Variants in APTX observed in about 807,000 individuals in gnomAD.
APTX encodes the protein forkhead-associated domain histidine triad-like protein.
A neutral mutation model predicts 42.3 loss-of-function variants in APTX; 33 were observed. The observed-to-expected ratio is 0.78, with a 90% CI of 0.59 to 1.04. The LOEUF is 1.04. Ranked by LOEUF, APTX falls within the 50% of genes least tolerant of loss-of-function variation. The pLI is 0.00. For synonymous variants in APTX, 130 were observed against 146.7 expected, an observed-to-expected ratio of 0.89 and a Z score of 0.82; for missense variants, 421 against 415.1, an observed-to-expected ratio of 1.01 and a Z score of -0.12.
In APTX at chr9:32,974,446, AAC is replaced by A; in HGVS notation, c.874+10_874+11del. 1 of 1,460,774 alleles carries A rather than the reference AAC, an allele frequency of 6.8e-7. No homozygotes were observed. The highest frequency in any genetic ancestry group is 1.1e-5 in the South Asian group (1 of 87,986). 90.5% of individuals were successfully genotyped at this position (1,460,774 alleles called of 1,614,324 possible). ...AATGAAACAAATGTGAAAACCAAGG[AAC>A]ACTGTTTACCTTGTGATTCTAGGAA... On this transcript the variant is annotated intron_variant, in intron 7 of 7. Transcript: ENST00000379817.
chr9:33,003,773 C>A (rs1397964056), upstream of APTX, among the ~76,000 whole-genome samples: 1 of 152,146 alleles, frequency 6.6e-6, no homozygotes, highest in Non-Finnish European at 1.5e-5. Flanking sequence ...TGCCCATTTG[C>A]GACTGGCTTA....
chr9:33,018,108 TTTTTA>T (rs1040360415), intron 1 of APTX, among the ~76,000 whole-genome samples: 3 of 151,436 alleles, frequency 2.0e-5, no homozygotes, highest in Non-Finnish European at 4.4e-5. Flanking sequence ...AAAATTTTAT[TTTTTA>T]TTTAATTTTT....
upstream of APTX, chr9:33,001,652 T>C: frequency 6.2e-7 from 1 of 1,610,806 alleles, no homozygotes; most frequent in Non-Finnish European, 8.5e-7. Context: ...AGAGGCCGGC[T>C]GTATCGCGAC....
chr9:33,017,985 C>T (rs1838036358), intron 1 of APTX, among the ~76,000 whole-genome samples: 1 of 131,022 alleles, frequency 7.6e-6, no homozygotes, highest in Non-Finnish European at 1.6e-5. Flanking sequence ...AATATAATCT[C>T]AGATGTGATT....
Position 32,973,334 on chromosome 9 carries a change from T to G in APTX, c.*164A>C, listed in dbSNP as rs1182639002. The G allele has an allele frequency of 7.1e-6, 6 of 844,274 alleles. No homozygotes were observed. Among genetic ancestry groups the G allele is most frequent in the Non-Finnish European group, 1.2e-5 (6 of 515,338 alleles). The allele number at this position is 844,274 out of a possible 1,614,324, so 52.3% of individuals were successfully genotyped here. The stretch of plus-strand genomic sequence containing the variant: ...ACCCAAATTCCTAATCCTGAAGTAC[T>G]TTGAGCCACTCTACATTGTGGCCAC... On this transcript the variant is annotated 3_prime_UTR_variant, in exon 8 of 8. Transcript: ENST00000379817.
At chr9:33,001,456 A>C in intron 1 of APTX, 111 bp downstream of exon 1, 9 of 1,582,150 alleles carry the variant, frequency 5.7e-6, no homozygotes, top group Non-Finnish European at 7.7e-6. Context: ...CAGCGCATGA[A>C]AGCAGCGTCA....
In APTX at chr9:32,992,943, C is replaced by T. The variant is rs150606087; in HGVS notation, c.-4-3048G>A. 3.8e-3 allele frequency among the ~76,000 whole-genome samples: 572 copies of T among 152,274 alleles called. 6 individuals are homozygous for T. The highest frequency in any genetic ancestry group is 6.5e-3 in the Non-Finnish European group (443 of 68,024). On this transcript the variant is annotated intron_variant, in intron 1 of 7. Transcript: ENST00000379817. ...GCAGGTCCCACTTTTAAATGCTATG[C>T]GTTCCAAGGGGCATCTGTTTGCACT...
chr9:33,024,185 T>C (rs1034486632), intron 1 of APTX, among the ~76,000 whole-genome samples: 2 of 152,266 alleles, frequency 1.3e-5, no homozygotes, highest in South Asian at 4.1e-4. Flanking sequence ...AGTTCTGTTT[T>C]TGTTTTAAAT....
At chr9:32,974,387 A>C in intron 7 of APTX, 71 bp downstream of exon 7, 2 of 1,038,404 alleles carry the variant, frequency 1.9e-6, no homozygotes, top group Non-Finnish European at 3.0e-6. Context: ...TTATTCAGGG[A>C]AACAACCAAA....
chr9:33,011,159 A>G (rs1165507452), intron 1 of APTX, among the ~76,000 whole-genome samples: 2 of 152,062 alleles, frequency 1.3e-5, no homozygotes, highest in East Asian at 1.9e-4. Flanking sequence ...AAGAAAAAAA[A>G]AAGTGGTGAG....
chr9:33,001,736 C>G (rs2119154852), upstream of APTX: 2 of 1,252,668 alleles, frequency 1.6e-6, no homozygotes, highest in Middle Eastern at 1.8e-4. Flanking sequence ...AAAAAGCGTC[C>G]GCCCCAATTG....
intron 1 of APTX, among the ~76,000 whole-genome samples, chr9:33,015,655 C>A (rs1351934303): frequency 1.3e-5 from 2 of 152,198 alleles, no homozygotes; most frequent in East Asian, 1.9e-4. Flanking sequence ...CCACGCCCGG[C>A]CTGTATTTTC....
chr9:33,016,046 T>C (rs963376121), intron 1 of APTX: 1 of 152,234 alleles, frequency 6.6e-6, no homozygotes, highest in African/African-American at 2.4e-5. Context: ...TTTTTTTAAA[T>C]AAACGTTGCC....
At chr9:32,988,761 C>A (rs1832836774) in intron 2 of APTX, among the ~76,000 whole-genome samples, 1 of 150,254 alleles carries the variant, frequency 6.7e-6, no homozygotes, top group Non-Finnish European at 1.5e-5. Flanking sequence ...ATCAGGCTTC[C>A]ACTATTATTT....
chr9:32,978,746 A>G (rs1031904143), intron 6 of APTX, among the ~76,000 whole-genome samples: 23 of 152,150 alleles, frequency 1.5e-4, no homozygotes, highest in Non-Finnish European at 1.9e-4. Flanking sequence ...CACCTTCAAT[A>G]TCCATGGTGG....
chr9:33,007,778 AAGT>A (rs1236061376), intron 1 of APTX, among the ~76,000 whole-genome samples: 1 of 152,044 alleles, frequency 6.6e-6, no homozygotes, highest in Non-Finnish European at 1.5e-5. Flanking sequence ...TAAAAAAAAA[AAGT>A]AGGTAAACAT....
At chr9:32,980,116 G>C (rs1434677448) in intron 6 of APTX, 1 of 152,676 alleles carries the variant, frequency 6.5e-6, no homozygotes, top group Non-Finnish European at 1.5e-5. Flanking sequence ...TCTCGCTTCA[G>C]AGTTATTCTG....
upstream of APTX, among the ~76,000 whole-genome samples, chr9:33,006,628 T>G (rs1837163927): frequency 6.6e-6 from 1 of 152,106 alleles, no homozygotes; most frequent in South Asian, 2.1e-4. Context: ...TCATTTTGTT[T>G]TGGCATTTGG....
chr9:33,007,461 T>C (rs1837241164), intron 1 of APTX, among the ~76,000 whole-genome samples: 1 of 152,234 alleles, frequency 6.6e-6, no homozygotes, highest in Non-Finnish European at 1.5e-5. Flanking sequence ...AGTTTACTGA[T>C]GCAGTGCAAA....
Sources: gnomAD v4.1 joint callset for allele counts (sites outside exome capture counted in the v4.1 genomes callset) on GRCh38, gnomAD v4.1.1 for gene constraint, MANE v1.5 for transcripts, NCBI Gene and HGNC (gene_info 2026-07-23, HGNC 2026-07-21) for gene names.